PTPRZ1: variants seen among roughly 807,000 people sequenced by gnomAD.
The protein encoded by PTPRZ1 is protein tyrosine phosphatase receptor type Z1.
Under a neutral mutation model 214.1 loss-of-function variants are expected in PTPRZ1, and 82 were observed. That is an observed-to-expected ratio of 0.38 (90% CI 0.32 to 0.46). The LOEUF (loss-of-function observed/expected upper bound fraction) is 0.46, where lower values mean the gene tolerates loss of function less well. Among genes scored for constraint, PTPRZ1 ranks in the 20% least tolerant of loss-of-function variants. The pLI, the probability that PTPRZ1 is intolerant of heterozygous loss-of-function variation, is 1.00. For missense variants in PTPRZ1, 2,603 were observed against 2,748.7 expected, an observed-to-expected ratio of 0.95 and a Z score of 1.19; for synonymous variants, 945 against 987.9, an observed-to-expected ratio of 0.96 and a Z score of 0.81.
intron 6 of PTPRZ1, among the ~76,000 whole-genome samples, chr7:121,980,134 G>A (rs1398130221): frequency 6.6e-6 from 1 of 151,678 alleles, no homozygotes; most frequent in African/African-American, 2.4e-5. Flanking sequence ...CCTTACTCAG[G>A]TCTCACCTCT....
intron 21 of PTPRZ1, 61 bp from the exon 22 acceptor site, chr7:122,042,547 T>C: frequency 6.7e-7 from 1 of 1,486,522 alleles, no homozygotes; most frequent in Non-Finnish European, 9.1e-7. Flanking sequence ...AGTAGTGATC[T>C]ATTTTTCAAA....
chr7:121,967,683 G>A (rs541907386), intron 2 of PTPRZ1, among the ~76,000 whole-genome samples: 2 of 152,280 alleles, frequency 1.3e-5, no homozygotes, highest in South Asian at 4.1e-4. Context: ...AGAAGATGTT[G>A]TAGACTAAAG....
chr7:121,908,225 A>T (rs1274349810), intron 1 of PTPRZ1, among the ~76,000 whole-genome samples: 1 of 152,084 alleles, frequency 6.6e-6, no homozygotes, highest in Non-Finnish European at 1.5e-5. Context: ...TAACCTGACC[A>T]CATAGTTACC....
At chr7:122,007,185 G>T (rs1271435591) in intron 11 of PTPRZ1, among the ~76,000 whole-genome samples, 2 of 152,144 alleles carry the variant, frequency 1.3e-5, no homozygotes, top group Admixed American at 6.6e-5. Context: ...TTGGTAGAAG[G>T]CTATGATCTA....
intron 18 of PTPRZ1, among the ~76,000 whole-genome samples, chr7:122,037,795 T>C (rs961049189): frequency 2.0e-5 from 3 of 152,210 alleles, no homozygotes; most frequent in Admixed American, 6.5e-5. Flanking sequence ...ACTTAACTCC[T>C]CTGAGCTTTA....
intron 1 of PTPRZ1, chr7:121,908,810 A>G: frequency 2.0e-6 from 1 of 489,420 alleles, no homozygotes; most frequent in Non-Finnish European, 4.0e-6. Context: ...AATGTGAGAT[A>G]CTCTTGGATA....
chr7:122,033,946 A>G, intron 15 of PTPRZ1, 149 bp from the exon 16 acceptor site: 1 of 655,452 alleles, frequency 1.5e-6, no homozygotes, highest in Non-Finnish European at 2.6e-6. Flanking sequence ...ACTGTTTGAA[A>G]CATTCTGTTG....
intron 4 of PTPRZ1, among the ~76,000 whole-genome samples, chr7:121,975,723 CA>C (rs1159476742): frequency 6.6e-6 from 1 of 152,088 alleles, no homozygotes; most frequent in Non-Finnish European, 1.5e-5. Context: ...AAAGGAGAAT[CA>C]AAATATGAAA....
At chr7:122,002,720 C>T (rs1798367461) in intron 10 of PTPRZ1, among the ~76,000 whole-genome samples, 1 of 152,202 alleles carries the variant, frequency 6.6e-6, no homozygotes, top group South Asian at 2.1e-4. Flanking sequence ...TGGAGTTAGA[C>T]CATTTTTTAA....
chr7:121,958,690 G>A (rs369747561), intron 2 of PTPRZ1, among the ~76,000 whole-genome samples: 1 of 152,008 alleles, frequency 6.6e-6, no homozygotes, highest in African/African-American at 2.4e-5. Context: ...CTCTACCAAC[G>A]TGACTGGTAC....
At chr7:122,005,736 T>C (rs1798466834) in intron 11 of PTPRZ1, among the ~76,000 whole-genome samples, 1 of 152,048 alleles carries the variant, frequency 6.6e-6, no homozygotes, top group African/African-American at 2.4e-5. Context: ...ATTCAAATAA[T>C]GGGTCTGACA....
At chr7:121,880,075 A>C (rs1410607588) in intron 1 of PTPRZ1, among the ~76,000 whole-genome samples, 2 of 152,176 alleles carry the variant, frequency 1.3e-5, no homozygotes, top group African/African-American at 2.4e-5. Flanking sequence ...GTAGTTAACA[A>C]AATTTTTAAA....
chr7:122,058,468 T>C (rs1792448722), intron 27 of PTPRZ1, among the ~76,000 whole-genome samples: 1 of 152,154 alleles, frequency 6.6e-6, no homozygotes, highest in Admixed American at 6.6e-5. Context: ...AATGATTTCC[T>C]TTTATAAATT....
intron 13 of PTPRZ1, among the ~76,000 whole-genome samples, chr7:122,023,960 T>A (rs368048437): frequency 1.3e-5 from 2 of 150,974 alleles, no homozygotes; most frequent in East Asian, 3.9e-4. Flanking sequence ...CAGATTACCA[T>A]TGATTGATAG....
intron 2 of PTPRZ1, among the ~76,000 whole-genome samples, chr7:121,941,623 C>A (rs1220761064): frequency 2.0e-5 from 3 of 152,162 alleles, no homozygotes; most frequent in African/African-American, 7.2e-5. Flanking sequence ...GAAAAGGGAG[C>A]TTAAATGTCT....
intron 13 of PTPRZ1, among the ~76,000 whole-genome samples, chr7:122,019,690 T>C (rs968465971): frequency 6.6e-6 from 1 of 152,142 alleles, no homozygotes; most frequent in Non-Finnish European, 1.5e-5. Context: ...CACATACTGA[T>C]AAAAATGATA....
chr7:121,949,355 C>A, intron 2 of PTPRZ1, among the ~76,000 whole-genome samples: 1 of 152,162 alleles, frequency 6.6e-6, no homozygotes, highest in South Asian at 2.1e-4. Flanking sequence ...GATTTGGGGG[C>A]CCCAAGTTTT....
Position 121,983,830 on chromosome 7 carries a change from T to G in PTPRZ1, c.777+8T>G. On this transcript the variant is annotated splice_region_variant and intron_variant, in intron 7 of 29. Coordinates refer to ENST00000393386, the MANE Select transcript of PTPRZ1 (RefSeq NM_002851.3). Reference sequence around the variant, plus strand: ...AGCATCTCTGAAAGCCAGGTAATCTTAGAAATTCAAACAAATCAAGTAATT... The same window carrying G: ...AGCATCTCTGAAAGCCAGGTAATCTGAGAAATTCAAACAAATCAAGTAATT... 6.2e-7 allele frequency: 1 copy of G among 1,607,794 alleles called. No homozygotes were observed. Among genetic ancestry groups the G allele is most frequent in the Non-Finnish European group, 8.5e-7 (1 of 1,177,634 alleles).
intron 2 of PTPRZ1, among the ~76,000 whole-genome samples, chr7:121,945,818 G>A: frequency 6.6e-6 from 1 of 152,172 alleles, no homozygotes; most frequent in South Asian, 2.1e-4. Flanking sequence ...ACTCCTCGTA[G>A]TTTAAAGACA....
Sources: gnomAD v4.1 joint callset for allele counts (sites outside exome capture counted in the v4.1 genomes callset) on GRCh38, gnomAD v4.1.1 for gene constraint, MANE v1.5 for transcripts, NCBI Gene and HGNC (gene_info 2026-07-23, HGNC 2026-07-21) for gene names.